WDR93: variants seen among roughly 807,000 people sequenced by gnomAD.
WDR93 encodes the protein WD repeat-containing protein 93.
WDR93 carries 73 observed loss-of-function variants against 82.9 expected under a neutral mutation model. That is an observed-to-expected ratio of 0.88 (90% CI 0.73 to 1.07). WDR93 has a LOEUF of 1.07. Ranked by LOEUF, WDR93 falls within the 50% of genes least tolerant of loss-of-function variation. The pLI is 0.00. For missense variants in WDR93, 738 were observed against 826.0 expected (o/e 0.89, Z 1.31); for synonymous variants, 283 against 300.1 (o/e 0.94, Z 0.59).
intron 4 of WDR93, among the ~76,000 whole-genome samples, chr15:89,708,985 C>CCACTATT (rs1302364959): frequency 6.6e-6 from 1 of 152,326 alleles, no homozygotes; most frequent in East Asian, 1.9e-4. Flanking sequence ...TTGTGGTGCA[C>CCACTATT]CACTATTGTG....
At chr15:89,701,001 C>G (rs1965435098) in intron 1 of WDR93, among the ~76,000 whole-genome samples, 1 of 152,010 alleles carries the variant, frequency 6.6e-6, no homozygotes, top group East Asian at 1.9e-4. Context: ...CACACACACA[C>G]ACACAGAGTG....
At position 89,743,619 on chromosome 15, in the gene WDR93, A is replaced by G. The variant is rs569080547; in HGVS notation, c.*228A>G. On this transcript the variant is annotated 3_prime_UTR_variant, in exon 17 of 17. Transcript: ENST00000268130. ...GCAGGCAGATGTGTCACCCAAATAAACAGTGATATTGTCTCCAGACTCCCA... is the reference window on the plus strand; with the variant it reads ...GCAGGCAGATGTGTCACCCAAATAAGCAGTGATATTGTCTCCAGACTCCCA... 8.9e-5 allele frequency: 50 copies of G among 564,456 alleles called. No homozygotes were observed. The East Asian group carries it at 1.4e-3, about 16-fold the overall frequency. 35.0% of individuals were successfully genotyped at this position (564,456 alleles called of 1,614,324 possible). A position where few individuals can be genotyped will look rare whatever the true frequency, so the allele number is the denominator to read the frequency against.
intron 12 of WDR93, among the ~76,000 whole-genome samples, chr15:89,732,013 C>T (rs1966864874): frequency 6.6e-6 from 1 of 152,172 alleles, no homozygotes; most frequent in Non-Finnish European, 1.5e-5. Context: ...ACCTATAAAG[C>T]AGTCAAAGTG....
At chr15:89,736,998 AG>A (rs1567131131) in intron 14 of WDR93, among the ~76,000 whole-genome samples, 1 of 152,050 alleles carries the variant, frequency 6.6e-6, no homozygotes, top group Non-Finnish European at 1.5e-5. Context: ...TCACCGTGTT[AG>A]CCAGGATGGT....
At chr15:89,695,188 G>A (rs537568267) in intron 1 of WDR93, among the ~76,000 whole-genome samples, 3 of 151,462 alleles carry the variant, frequency 2.0e-5, no homozygotes, top group African/African-American at 7.3e-5. Flanking sequence ...ATTATCATAG[G>A]GATTGTGTTG....
At chr15:89,701,263 G>A (rs1021912653) in intron 1 of WDR93, among the ~76,000 whole-genome samples, 5 of 152,112 alleles carry the variant, frequency 3.3e-5, no homozygotes, top group African/African-American at 1.2e-4. Flanking sequence ...TCAGACAGTC[G>A]GGATTGGGAG....
chr15:89,700,967 T>C (rs185980615), intron 1 of WDR93, among the ~76,000 whole-genome samples: 1 of 116,920 alleles, frequency 8.6e-6, no homozygotes, highest in African/African-American at 3.8e-5. Context: ...TGTATGCATA[T>C]ATATGTGTGT....
At chr15:89,722,952 C>T (rs1443784079) in intron 8 of WDR93, among the ~76,000 whole-genome samples, 1 of 152,004 alleles carries the variant, frequency 6.6e-6, no homozygotes, top group African/African-American at 2.4e-5. Context: ...TGCCTATAAT[C>T]CTAGCACTTT....
chr15:89,702,147 C>A, intron 2 of WDR93, 98 bp downstream of exon 2: 1 of 1,329,860 alleles, frequency 7.5e-7, no homozygotes, highest in Non-Finnish European at 1.0e-6. Flanking sequence ...TAGAAAGCTG[C>A]ATTCAATAAG....
Position 89,705,592 on chromosome 15 carries a change from T to A in WDR93, c.535T>A (p.Tyr179Asn). Residue 179 changes from tyrosine to asparagine, a missense_variant, in exon 4 of 17, where the codon TAC (tyrosine) becomes AAC (asparagine). Transcript: ENST00000268130. ...RLFYFYKEGL[Y>N]LVKAINEVDD... ...CTTTTATTTTTATAAGGAAGGACTT[T>A]ACCTAGTCAAAGCCATCAATGAAGT... The A allele has an allele frequency of 6.4e-7, 1 of 1,569,070 alleles. No individual in the cohort carries two copies. The highest frequency in any genetic ancestry group is 8.8e-7 in the Non-Finnish European group (1 of 1,138,728).
intron 1 of WDR93, 53 bp downstream of exon 1, chr15:89,690,910 G>A (rs964403047): frequency 4.6e-6 from 2 of 435,696 alleles, no homozygotes; most frequent in African/African-American, 4.1e-5. Context: ...CGAGTCCCAG[G>A]ACTCCCCTTT....
At chr15:89,714,004 T>C (rs1966126249) in intron 5 of WDR93, among the ~76,000 whole-genome samples, 1 of 152,202 alleles carries the variant, frequency 6.6e-6, no homozygotes, top group African/African-American at 2.4e-5. Flanking sequence ...CAACCTTTCC[T>C]AGGTTAACAT....
At chr15:89,735,005 CTTCT>C (rs1967045127) in intron 13 of WDR93, among the ~76,000 whole-genome samples, 1 of 150,812 alleles carries the variant, frequency 6.6e-6, no homozygotes, top group Non-Finnish European at 1.5e-5. Context: ...TCCTTCCTTC[CTTCT>C]TTCCTTCCGT....
At chr15:89,696,357 C>G (rs953710779) in intron 1 of WDR93, among the ~76,000 whole-genome samples, 1 of 151,892 alleles carries the variant, frequency 6.6e-6, no homozygotes, top group Non-Finnish European at 1.5e-5. Flanking sequence ...ATGGATATAC[C>G]ACAGTTTGTT....
chr15:89,713,055 C>T (rs573031591), intron 5 of WDR93, among the ~76,000 whole-genome samples: 2 of 144,968 alleles, frequency 1.4e-5, no homozygotes, highest in South Asian at 4.5e-4. Flanking sequence ...ACCTGGGAGG[C>T]GGAGTTGCAG....
At chr15:89,693,037 G>C (rs1351741318) in intron 1 of WDR93, among the ~76,000 whole-genome samples, 1 of 152,100 alleles carries the variant, frequency 6.6e-6, no homozygotes, top group African/African-American at 2.4e-5. Context: ...GATTATCTAT[G>C]TTGTGCACAT....
rs993942897 is a variant in WDR93 at position 89,693,416 on chromosome 15, G to T, written c.-41+2559G>T. Among the ~76,000 whole-genome samples, 8 of 152,146 alleles carry T rather than the reference G, an allele frequency of 5.3e-5. No individual in the cohort carries two copies. The East Asian group carries it at 1.5e-3, about 29-fold the overall frequency. ...AAATAAAGTTGTAATGACTGTTCGT[G>T]TACAAGTCTTTGTATGGACATATGT... On this transcript the variant is annotated intron_variant, in intron 1 of 16. Coordinates refer to ENST00000268130, the MANE Select transcript of WDR93 (RefSeq NM_020212.2).
At chr15:89,711,701 G>A (rs1179644462) in intron 4 of WDR93, among the ~76,000 whole-genome samples, 2 of 152,264 alleles carry the variant, frequency 1.3e-5, no homozygotes, top group East Asian at 3.9e-4. Flanking sequence ...TTTCCATTTA[G>A]TTGAATAATT....
rs764359315 is a variant in WDR93, at chr15:89,702,056, AG to A, written c.303+8del. The A allele has an allele frequency of 4.4e-6, 7 of 1,597,106 alleles. No homozygotes were observed. The African/African-American group carries it at 9.4e-5, about 21-fold the overall frequency. On this transcript the variant is annotated splice_region_variant and intron_variant, in intron 2 of 16. Coordinates refer to ENST00000268130, the MANE Select transcript of WDR93 (RefSeq NM_020212.2). ...TCCACTTGGAGAAATCCAGGTATGG[AG>A]TAAGCAGTTGACCAGGAGCCCCTGT...
Sources: gnomAD v4.1 joint callset for allele counts (sites outside exome capture counted in the v4.1 genomes callset) on GRCh38, gnomAD v4.1.1 for gene constraint, MANE v1.5 for transcripts, NCBI Gene and HGNC (gene_info 2026-07-23, HGNC 2026-07-21) for gene names.